Variants in SYT9 observed in about 807,000 individuals in gnomAD.
SYT9 encodes synaptotagmin-9.
SYT9 carries 22 observed loss-of-function variants against 48.4 expected under a neutral mutation model. The ratio of observed to expected loss-of-function variants is 0.45; its 90% CI spans 0.32 to 0.65. The LOEUF (loss-of-function observed/expected upper bound fraction) is 0.65. Ranked by LOEUF, SYT9 falls within the 30% of genes least tolerant of loss-of-function variation. The pLI, the probability that SYT9 is intolerant of heterozygous loss-of-function variation, is 0.03. For synonymous variants in SYT9, 265 were observed against 245.0 expected (o/e 1.08, Z -0.76); for missense variants, 577 against 622.0 (o/e 0.93, Z 0.77).
chr11:7,335,233 G>A (rs1311507247), intron 3 of SYT9, among the ~76,000 whole-genome samples: 2 of 151,824 alleles, frequency 1.3e-5, no homozygotes, highest in African/African-American at 2.4e-5. Flanking sequence ...ATGAAATTGA[G>A]CATCATTTCA....
intron 3 of SYT9, among the ~76,000 whole-genome samples, chr11:7,387,831 A>T (rs1314187116): frequency 1.3e-5 from 2 of 152,132 alleles, no homozygotes; most frequent in Non-Finnish European, 2.9e-5. Context: ...TTTAAATTTC[A>T]TATGTTTAAT....
At chr11:7,254,679 A>G (rs971187968) in intron 1 of SYT9, among the ~76,000 whole-genome samples, 2 of 152,216 alleles carry the variant, frequency 1.3e-5, no homozygotes, top group African/African-American at 4.8e-5. Flanking sequence ...TTTTCTGGAA[A>G]GGAATCCACC....
chr11:7,382,105 T>C (rs1184683113), intron 3 of SYT9, among the ~76,000 whole-genome samples: 1 of 152,206 alleles, frequency 6.6e-6, no homozygotes, highest in Non-Finnish European at 1.5e-5. Context: ...TGAGGATATG[T>C]AAACAAGCAA....
chr11:7,238,991 G>C (rs1847713191), intron 1 of SYT9: 5 of 454,640 alleles, frequency 1.1e-5, no homozygotes, highest in African/African-American at 1.0e-4. Context: ...AGAAGTGGTG[G>C]GAGTGGTAGA....
upstream of SYT9, among the ~76,000 whole-genome samples, chr11:7,250,795 C>T (rs2055708): frequency 0.76 from 115,286 of 151,984 alleles, 44,680 homozygotes; most frequent in Non-Finnish European, 0.84. Context: ...TCCGTAGAGA[C>T]GGCACAACCT....
intron 6 of SYT9, chr11:7,457,439 C>T (rs1043878493): frequency 3.8e-4 from 58 of 152,328 alleles, no homozygotes; most frequent in African/African-American, 1.2e-3. Flanking sequence ...AAGTGTTATT[C>T]ATCATTGTAT....
At chr11:7,374,616 C>T (rs552953523) in intron 3 of SYT9, among the ~76,000 whole-genome samples, 261 of 152,336 alleles carry the variant, frequency 1.7e-3, no homozygotes, top group Non-Finnish European at 3.2e-3. Flanking sequence ...GCCATTCTAA[C>T]TGGCACAAGA....
chr11:7,382,745 C>T (rs1296446593), intron 3 of SYT9, among the ~76,000 whole-genome samples: 1 of 152,178 alleles, frequency 6.6e-6, no homozygotes, highest in African/African-American at 2.4e-5. Flanking sequence ...CCTAGCTGAA[C>T]ATATCATTGG....
intron 3 of SYT9, among the ~76,000 whole-genome samples, chr11:7,334,187 T>C (rs965213210): frequency 2.0e-5 from 3 of 151,922 alleles, no homozygotes; most frequent in African/African-American, 7.2e-5. Context: ...TGGTTAAAGA[T>C]AGGGAAATAA....
intron 1 of SYT9, among the ~76,000 whole-genome samples, chr11:7,280,338 T>A (rs559569329): frequency 6.6e-6 from 1 of 152,382 alleles, no homozygotes; most frequent in African/African-American, 2.4e-5. Context: ...TTCATTTATA[T>A]GAACAAGTAA....
At chr11:7,272,110 A>G (rs1448409709) in intron 1 of SYT9, among the ~76,000 whole-genome samples, 15 of 152,206 alleles carry the variant, frequency 9.9e-5, no homozygotes, top group Admixed American at 9.8e-4. Flanking sequence ...TAATAGTTGT[A>G]TAATCTGGGG....
intron 6 of SYT9, among the ~76,000 whole-genome samples, chr11:7,421,477 A>C (rs1255911818): frequency 6.6e-5 from 10 of 152,184 alleles, no homozygotes; most frequent in Non-Finnish European, 1.0e-4. Context: ...TGGAAATGTA[A>C]CCTTTTTGTT....
chr11:7,272,068 T>A (rs145552918), intron 1 of SYT9, among the ~76,000 whole-genome samples: 1 of 152,354 alleles, frequency 6.6e-6, no homozygotes, highest in African/African-American at 2.4e-5. Flanking sequence ...GGGCAGTCCA[T>A]GTAAACTGAA....
At chr11:7,428,613 G>A (rs1383581729) in intron 6 of SYT9, among the ~76,000 whole-genome samples, 4 of 152,198 alleles carry the variant, frequency 2.6e-5, no homozygotes, top group South Asian at 4.1e-4. Context: ...TTCAGAAGAC[G>A]CACTTGTCAA....
At chr11:7,343,098 G>A (rs1032072233) in intron 3 of SYT9, among the ~76,000 whole-genome samples, 3 of 152,138 alleles carry the variant, frequency 2.0e-5, no homozygotes, top group African/African-American at 7.2e-5. Flanking sequence ...TTTATCCTAG[G>A]CCTCTAGGCC....
chr11:7,320,306 G>T (rs1210720612), intron 3 of SYT9, among the ~76,000 whole-genome samples: 2 of 152,066 alleles, frequency 1.3e-5, no homozygotes, highest in African/African-American at 2.4e-5. Flanking sequence ...TCTTTACCTG[G>T]CTAACTCCCA....
rs575864064 is a variant in SYT9, at chr11:7,257,459, G to A, written c.145+5128G>A. Among the ~76,000 whole-genome samples the A allele has an allele frequency of 2.0e-5, 3 of 152,090 alleles. No homozygotes were observed. The South Asian group carries it at 6.2e-4, about 32-fold the overall frequency. On this transcript the variant is annotated intron_variant, in intron 1 of 6. Transcript: ENST00000318881. ...GTCAGAATATAGAACCTTCACAAAT[G>A]TCACCCTATGTTAAATTATAATGAA...
At chr11:7,463,584 A>C (rs1277608646) in intron 6 of SYT9, among the ~76,000 whole-genome samples, 1 of 152,146 alleles carries the variant, frequency 6.6e-6, no homozygotes, top group East Asian at 1.9e-4. Context: ...CCCTAGAATA[A>C]GTTTGTTTTC....
Position 7,313,860 on chromosome 11 carries a change from A to G in SYT9, c.963A>G (p.Gln321=), listed in dbSNP as rs925984946. Residue 321 remains glutamine, a synonymous_variant, in exon 3 of 7, where the codon CAA becomes CAG. Transcript: ENST00000318881. ...DRFSRHDLIG[Q]VVVDHFLDLA... ...TCTCTCGTCATGACTTAATCGGCCA[A>G]GTGGTGGTGGATCACTTCCTAGACT... 6.2e-6 allele frequency: 10 copies of G among 1,614,056 alleles called. No homozygotes were observed. In the Admixed American group the frequency reaches 1.3e-4, roughly 22 times the overall value.
Sources: gnomAD v4.1 joint callset for allele counts (sites outside exome capture counted in the v4.1 genomes callset) on GRCh38, gnomAD v4.1.1 for gene constraint, MANE v1.5 for transcripts, NCBI Gene and HGNC (gene_info 2026-07-23, HGNC 2026-07-21) for gene names.